The following TSKS variants were observed in gnomAD, a reference collection of about 807,000 sequenced individuals.
TSKS encodes the protein testis specific serine kinase substrate, also known as testis-specific serine kinase substrate.
In TSKS, 27 loss-of-function variants were observed where a neutral mutation model predicts 68.0. The observed-to-expected ratio is 0.40, with a 90% CI of 0.29 to 0.55. The LOEUF is 0.55. Among genes scored for constraint, TSKS ranks in the 20% least tolerant of loss-of-function variants. TSKS has a pLI of 0.53. For missense variants in TSKS, 806 were observed against 776.0 expected, an observed-to-expected ratio of 1.04 and a Z score of -0.46; for synonymous variants, 331 against 340.4, an observed-to-expected ratio of 0.97 and a Z score of 0.30.
At chr19:49,751,269 A>G (rs960461095) in intron 2 of TSKS, among the ~76,000 whole-genome samples, 18 of 138,074 alleles carry the variant, frequency 1.3e-4, no homozygotes, top group Admixed American at 4.1e-4. Flanking sequence ...GCGCCATTGC[A>G]CTCCAGCCTG....
chr19:49,749,596 G>A (rs1285103991), intron 2 of TSKS, among the ~76,000 whole-genome samples: 1 of 151,830 alleles, frequency 6.6e-6, no homozygotes, highest in Non-Finnish European at 1.5e-5. Context: ...GAATGTGAGT[G>A]GAAATAATGT....
At chr19:49,760,028 G>T (rs990283950) in intron 2 of TSKS, among the ~76,000 whole-genome samples, 1 of 151,882 alleles carries the variant, frequency 6.6e-6, no homozygotes, top group African/African-American at 2.4e-5. Flanking sequence ...TGGCGCTCTT[G>T]TAATCCCAGC....
chr19:49,763,186 G>A lies in TSKS; in HGVS notation c.62C>T (p.Thr21Ile). 1 of 1,595,194 alleles carries A rather than the reference G, an allele frequency of 6.3e-7. No homozygotes were observed. Among genetic ancestry groups the A allele is most frequent in the Non-Finnish European group, 8.5e-7 (1 of 1,170,956 alleles). ...QSKEIHEAGD[T>I]PTGVESCSQL... ...GGAGCAGCTCTCCACCCCCGTGGGG[G>A]TGTCCCCGGCCTCATGGATCTCTTT... The change falls in exon 1 of 11, where the codon ACC becomes ATC. Residue 21 changes from threonine to isoleucine, a missense_variant. Transcript: ENST00000246801. This position sits in a 1 kb window ranked among gnomAD's most constrained non-coding sequence, Gnocchi z 4.5.
Position 49,745,296 on chromosome 19 carries a change from A to C in TSKS, c.1093T>G (p.Phe365Val). Reference sequence around the variant, plus strand: ...TGTGCCCGCTCCCACTGGCCTAGGAAGCCGTCGACCCTGCCGCCCAGGCCC... The same window carrying C: ...TGTGCCCGCTCCCACTGGCCTAGGACGCCGTCGACCCTGCCGCCCAGGCCC... ...LGGLGGRVDG[F>V]LGQWERAQRE... The change falls in exon 7 of 11, where the codon TTC becomes GTC. Residue 365 changes from phenylalanine to valine, a missense_variant. Physicochemically the swap from Phe to Val is conservative, Grantham distance 50 (BLOSUM62 -1). Coordinates refer to ENST00000246801, the MANE Select transcript of TSKS (RefSeq NM_021733.2). 1 of 1,605,808 alleles carries C rather than the reference A, an allele frequency of 6.2e-7. No homozygotes were observed. The highest frequency in any genetic ancestry group is 8.5e-7 in the Non-Finnish European group (1 of 1,179,576).
At chr19:49,752,667 A>G (rs933016366) in intron 2 of TSKS, among the ~76,000 whole-genome samples, 33 of 152,354 alleles carry the variant, frequency 2.2e-4, no homozygotes, top group Admixed American at 1.0e-3. Context: ...TAATGTTGCT[A>G]CTGCCGAAGG....
At chr19:49,745,510 C>G in intron 6 of TSKS, 114 bp from the exon 7 acceptor site, 1 of 941,124 alleles carries the variant, frequency 1.1e-6, no homozygotes, top group South Asian at 2.0e-5. Flanking sequence ...AGACCATGCC[C>G]GTGGCTCCAG....
At chr19:49,743,863 C>G (rs930127887) in intron 8 of TSKS, among the ~76,000 whole-genome samples, 1 of 151,734 alleles carries the variant, frequency 6.6e-6, no homozygotes, top group Non-Finnish European at 1.5e-5. Flanking sequence ...CGCGCCACCA[C>G]GCCCAGCTAA....
chr19:49,749,144 G>A (rs1478996890), intron 2 of TSKS, among the ~76,000 whole-genome samples: 1 of 152,186 alleles, frequency 6.6e-6, no homozygotes, highest in Non-Finnish European at 1.5e-5. Flanking sequence ...AGGAACTGGT[G>A]AATTACAAAG....
chr19:49,761,520 C>T (rs943876420), intron 2 of TSKS, among the ~76,000 whole-genome samples: 4 of 152,300 alleles, frequency 2.6e-5, no homozygotes, highest in Admixed American at 2.6e-4. Context: ...GCTTGAGGGG[C>T]CTTTCTCTGG....
At chr19:49,741,862 T>A in intron 9 of TSKS, 23 bp downstream of exon 9, 1 of 1,614,142 alleles carries the variant, frequency 6.2e-7, no homozygotes, top group East Asian at 2.2e-5. Flanking sequence ...AAGTGGGACA[T>A]GGTGGCCCAT....
chr19:49,740,035 C>T, intron 10 of TSKS, 24 bp downstream of exon 10: 2 of 1,613,992 alleles, frequency 1.2e-6, no homozygotes, highest in South Asian at 1.1e-5. Flanking sequence ...ACCCTCCTCC[C>T]ATGCCCTCAG....
At chr19:49,740,860 G>A in intron 9 of TSKS, among the ~76,000 whole-genome samples, 1 of 141,812 alleles carries the variant, frequency 7.1e-6, no homozygotes, top group Middle Eastern at 4.5e-3. Flanking sequence ...CTCCAGCCTG[G>A]AGCAACAGAG....
chr19:49,743,265 G>A (rs1212809341), intron 8 of TSKS, among the ~76,000 whole-genome samples: 1 of 150,558 alleles, frequency 6.6e-6, no homozygotes, highest in Non-Finnish European at 1.5e-5. Flanking sequence ...TTTTAGTAGA[G>A]ATGGGGTCTC....
At position 49,747,562 on chromosome 19, in the gene TSKS, G is replaced by T; in HGVS notation, c.580-90C>A. ...CTGTCTGTTTCCATCCAGGCTCCAG[G>T]CCTCCTAGCCCCCCAGTACAAGACA... On this transcript the variant is annotated intron_variant, in intron 4 of 10. Coordinates refer to ENST00000246801, the MANE Select transcript of TSKS (RefSeq NM_021733.2). The T allele has an allele frequency of 7.7e-6, 10 of 1,296,032 alleles. 1 individual carries two copies. The highest frequency in any genetic ancestry group is 1.1e-5 in the Non-Finnish European group (10 of 897,708). The allele number at this position is 1,296,032 out of a possible 1,614,324, so 80.3% of individuals were successfully genotyped here.
chr19:49,754,756 G>T (rs2084380082), intron 2 of TSKS, among the ~76,000 whole-genome samples: 1 of 151,960 alleles, frequency 6.6e-6, no homozygotes, highest in Non-Finnish European at 1.5e-5. Context: ...CACCAAATAG[G>T]GCATATCACT....
chr19:49,757,630 C>T (rs1374887478), intron 2 of TSKS, among the ~76,000 whole-genome samples: 2 of 152,216 alleles, frequency 1.3e-5, no homozygotes, highest in East Asian at 3.9e-4. Context: ...TCACAGGGTT[C>T]CCATTGTCCT....
chr19:49,744,355 C>T lies in TSKS; in HGVS notation c.1237G>A (p.Gly413Arg). ...SVASLRSELE[G>R]LGPLKPILEE... is the part of the protein sequence containing the mutation. ...AGAATGGGTTTCAGTGGGCCCAGCC[C>T]CTCCAGTTCGCTCCTCAGTGAAGCC... The change falls in exon 8 of 11, where the codon GGG becomes AGG. Residue 413 changes from glycine to arginine, a missense_variant. Gly to Arg is a moderately radical substitution (Grantham distance 125). Transcript: ENST00000246801. 1 of 1,614,106 alleles carries T rather than the reference C, an allele frequency of 6.2e-7. No homozygotes were observed. Among genetic ancestry groups the T allele is most frequent in the Non-Finnish European group, 8.5e-7 (1 of 1,180,036 alleles).
chr19:49,760,049 G>T lies in TSKS; in HGVS notation c.399+1955C>A, dbSNP rs577369205. 5.3e-5 allele frequency among the ~76,000 whole-genome samples: 8 copies of T among 152,138 alleles called. 1 individual carries two copies. In the South Asian group the frequency reaches 1.7e-3, roughly 32 times the overall value. On this transcript the variant is annotated intron_variant, in intron 2 of 10. Coordinates refer to ENST00000246801, the MANE Select transcript of TSKS (RefSeq NM_021733.2). ...TCTTGTAATCCCAGCTACTTGGAAG[G>T]CTGAGGTGGGAGAATCACTTGAACC...
chr19:49,749,418 G>A (rs947577191), intron 2 of TSKS, among the ~76,000 whole-genome samples: 38 of 152,058 alleles, frequency 2.5e-4, no homozygotes, highest in Non-Finnish European at 4.4e-5. Context: ...AGTGTTGTGC[G>A]ACTCCTGCCA....
Sources: allele counts gnomAD v4.1 joint callset (sites outside exome capture counted in the v4.1 genomes callset), GRCh38; gene constraint gnomAD v4.1.1; non-coding constraint Gnocchi (gnomAD v3.1); transcripts MANE v1.5; gene names NCBI Gene and HGNC (gene_info 2026-07-23, HGNC 2026-07-21).